The following IQSEC1 variants were observed in gnomAD, a reference collection of about 807,000 sequenced individuals.
IQSEC1 encodes IQ motif and Sec7 domain ArfGEF 1, also known as IQ motif and SEC7 domain-containing protein 1.
In IQSEC1, 31 loss-of-function variants were observed where a neutral mutation model predicts 91.0. The observed-to-expected ratio is 0.34, with a 90% CI of 0.26 to 0.46. The LOEUF (loss-of-function observed/expected upper bound fraction) is 0.46. IQSEC1 is among the 20% of genes least tolerant of loss of function. The pLI is 1.00. For synonymous variants in IQSEC1, 699 were observed against 662.6 expected (o/e 1.05, Z -0.84); for missense variants, 1,388 against 1,575.6 (o/e 0.88, Z 2.02).
intron 2 of IQSEC1, among the ~76,000 whole-genome samples, chr3:13,139,887 C>T (rs35361049): frequency 1.3e-5 from 2 of 152,054 alleles, no homozygotes; most frequent in Non-Finnish European, 1.5e-5. Flanking sequence ...GAGAACCCTG[C>T]CATTATCCTC....
At chr3:13,086,571 T>A (rs1705739377) in intron 2 of IQSEC1, among the ~76,000 whole-genome samples, 1 of 152,106 alleles carries the variant, frequency 6.6e-6, no homozygotes, top group Non-Finnish European at 1.5e-5. Context: ...ATCAGACCCA[T>A]CCCGCCAGCT....
chr3:12,959,155 C>G (rs563719586), intron 1 of IQSEC1, among the ~76,000 whole-genome samples: 1 of 152,276 alleles, frequency 6.6e-6, no homozygotes, highest in South Asian at 2.1e-4. Context: ...AAGGAAAAGA[C>G]TGTGTGAAGT....
chr3:13,032,421 C>T lies in IQSEC1; in HGVS notation c.23+40571G>A, dbSNP rs192942382. On this transcript the variant is annotated intron_variant, in intron 1 of 13. Coordinates refer to ENST00000613206, the MANE Select transcript of IQSEC1 (RefSeq NM_001134382.3). The stretch of plus-strand genomic sequence containing the variant: ...GAAGGCTGTGCTGCCGTGACTTCCG[C>T]AGGCCGAACCTGCAGGATGCGGATG... Among the ~76,000 whole-genome samples the T allele has an allele frequency of 2.8e-4, 43 of 152,348 alleles. 1 individual carries two copies. The highest frequency in any genetic ancestry group is 1.0e-4 in the Non-Finnish European group (7 of 68,036).
intron 1 of IQSEC1, among the ~76,000 whole-genome samples, chr3:12,945,553 C>A (rs1699127245): frequency 1.3e-5 from 2 of 150,148 alleles, no homozygotes; most frequent in Admixed American, 6.6e-5. Context: ...AAAAATCAAA[C>A]CCAACTTCAA....
intron 1 of IQSEC1, among the ~76,000 whole-genome samples, chr3:13,169,211 A>AG (rs1354154611): frequency 3.3e-5 from 5 of 152,292 alleles, no homozygotes; most frequent in African/African-American, 1.2e-4. Context: ...TGTGATAGTG[A>AG]ATAAGTACCA....
chr3:12,927,871 G>A (rs938759384), intron 3 of IQSEC1, among the ~76,000 whole-genome samples: 3 of 152,236 alleles, frequency 2.0e-5, no homozygotes, highest in Admixed American at 6.5e-5. Context: ...AAGGTGCTGA[G>A]GTGGGTGGGG....
rs1416333374 is a variant in IQSEC1, at chr3:12,979,419, C to T, written c.24-37554G>A. 1.3e-5 allele frequency among the ~76,000 whole-genome samples: 2 copies of T among 152,136 alleles called. No individual in the cohort carries two copies. Among genetic ancestry groups the T allele is most frequent in the East Asian group, 1.9e-4 (1 of 5,188 alleles). On this transcript the variant is annotated intron_variant, in intron 1 of 13. Coordinates refer to ENST00000613206, the MANE Select transcript of IQSEC1 (RefSeq NM_001134382.3). The surrounding 1 kb of genome is among the most constrained non-coding windows in gnomAD (Gnocchi z 4.3). ...TTATATCCTGATAGGGACTGAGATA[C>T]AAGACATAGTGCTACATGAAAAAGG...
intron 1 of IQSEC1, among the ~76,000 whole-genome samples, chr3:13,000,948 CTTTTT>C (rs10553726): frequency 2.8e-4 from 34 of 121,910 alleles, no homozygotes; most frequent in Middle Eastern, 4.2e-3. Flanking sequence ...CCAAGTGAGT[CTTTTT>C]TTTTTTTTTT....
In IQSEC1 at chr3:12,900,080, G is replaced by A. The variant is rs1367061560; in HGVS notation, c.*903C>T. The A allele has an allele frequency of 6.1e-6, 6 of 984,694 alleles. No homozygotes were observed. The highest frequency in any genetic ancestry group is 1.2e-4 in the Admixed American group (2 of 16,252). The allele number at this position is 984,694 out of a possible 1,614,324, so 61.0% of individuals were successfully genotyped here. A position where few individuals can be genotyped will look rare whatever the true frequency, so the allele number is the denominator to read the frequency against. ...TAACCAGCTGTCCTGAGTTGCTACTGTAGAGTGTACTGCAGTTTAGCTATT... is the reference window on the plus strand; with the variant it reads ...TAACCAGCTGTCCTGAGTTGCTACTATAGAGTGTACTGCAGTTTAGCTATT... On this transcript the variant is annotated 3_prime_UTR_variant, in exon 14 of 14. Transcript: ENST00000613206.
Position 12,899,762 on chromosome 3 carries a change from A to G in IQSEC1, c.*1221T>C, listed in dbSNP as rs1428872536. 19 of 985,310 alleles carry G rather than the reference A, an allele frequency of 1.9e-5. No homozygotes were observed. Among genetic ancestry groups the G allele is most frequent in the Non-Finnish European group, 2.0e-5 (17 of 829,930 alleles). The allele number at this position is 985,310 out of a possible 1,614,324, so 61.0% of individuals were successfully genotyped here. The stretch of plus-strand genomic sequence containing the variant: ...TTGCTAAACGCTAAAGTCAACCTTC[A>G]GGTTCGAGAGTGGTTCCTGATGAAA... On this transcript the variant is annotated 3_prime_UTR_variant, in exon 14 of 14. Coordinates refer to ENST00000613206, the MANE Select transcript of IQSEC1 (RefSeq NM_001134382.3).
At chr3:12,958,104 G>A (rs955675905) in intron 1 of IQSEC1, among the ~76,000 whole-genome samples, 3 of 152,116 alleles carry the variant, frequency 2.0e-5, no homozygotes, top group Admixed American at 2.0e-4. Context: ...TACCTCTGTG[G>A]GGCCAGCCCA....
At chr3:13,107,299 G>A (rs532861371) in intron 2 of IQSEC1, among the ~76,000 whole-genome samples, 7 of 152,228 alleles carry the variant, frequency 4.6e-5, no homozygotes, top group Non-Finnish European at 7.3e-5. Flanking sequence ...CAAGCTTTGA[G>A]GTCTAGATCC....
intron 5 of IQSEC1, among the ~76,000 whole-genome samples, chr3:12,921,657 AG>A (rs1696640636): frequency 1.3e-5 from 2 of 152,210 alleles, no homozygotes; most frequent in African/African-American, 4.8e-5. Context: ...AGGGCCACAG[AG>A]CCGGTAAGTG....
rs986796708 is a variant in IQSEC1 at position 13,201,546 on chromosome 3, G to A, written c.273-37413C>T. Among the ~76,000 whole-genome samples the A allele has an allele frequency of 1.2e-4, 18 of 152,208 alleles. No individual in the cohort carries two copies. The East Asian group carries it at 3.3e-3, about 28-fold the overall frequency. On this transcript the variant is annotated intron_variant, in intron 1 of 15. Transcript: ENST00000648114. ...TTTGGTAGAGATGAGGTCTTGCTAT[G>A]TTGCTCAGGCTGGTCTCGAACTCCC...
At chr3:13,227,397 G>GAAAA (rs1694774444) in intron 1 of IQSEC1, among the ~76,000 whole-genome samples, 1 of 94,050 alleles carries the variant, frequency 1.1e-5, no homozygotes, top group African/African-American at 4.2e-5. Context: ...AAAAAAAAAA[G>GAAAA]AAAGAAAGAA....
intron 2 of IQSEC1, among the ~76,000 whole-genome samples, chr3:13,144,602 G>A (rs1706857271): frequency 6.6e-6 from 1 of 152,178 alleles, no homozygotes; most frequent in Admixed American, 6.5e-5. Context: ...CTCCCCCTGG[G>A]CACACCAGAG....
chr3:13,059,740 G>A (rs550957542), intron 1 of IQSEC1, among the ~76,000 whole-genome samples: 2 of 152,268 alleles, frequency 1.3e-5, no homozygotes, highest in African/African-American at 2.4e-5. Context: ...GACAGAGCAA[G>A]ACCCTATCTC....
chr3:13,184,908 G>A (rs1157503615), intron 1 of IQSEC1, among the ~76,000 whole-genome samples: 1 of 152,226 alleles, frequency 6.6e-6, no homozygotes, highest in East Asian at 1.9e-4. Context: ...GGGAAAAGGA[G>A]TGAGGCAGAT....
intron 2 of IQSEC1, among the ~76,000 whole-genome samples, chr3:12,941,189 G>A (rs950467344): frequency 3.9e-5 from 6 of 152,194 alleles, no homozygotes; most frequent in Admixed American, 1.3e-4. Context: ...CTCAGTGGCC[G>A]GCCACGTACC....
Sources: gnomAD v4.1 joint callset for allele counts (sites outside exome capture counted in the v4.1 genomes callset) on GRCh38, gnomAD v4.1.1 for gene constraint, Gnocchi (gnomAD v3.1) non-coding constraint, MANE v1.5 for transcripts, NCBI Gene and HGNC (gene_info 2026-07-23, HGNC 2026-07-21) for gene names.